The following MKLN1 variants were observed in gnomAD, a reference collection of about 807,000 sequenced individuals.
MKLN1 encodes the protein muskelin 1, also known as muskelin.
Under a neutral mutation model 99.0 loss-of-function variants are expected in MKLN1, and 18 were observed. The ratio of observed to expected loss-of-function variants is 0.18; its 90% confidence interval spans 0.13 to 0.27. The LOEUF is 0.27. Ranked by LOEUF, MKLN1 falls within the 10% of genes least tolerant of loss-of-function variation. MKLN1 has a pLI of 1.00. For missense variants in MKLN1, 621 were observed against 875.9 expected, an observed-to-expected ratio of 0.71 and a Z score of 3.67; for synonymous variants, 288 against 293.2, an observed-to-expected ratio of 0.98 and a Z score of 0.18.
chr7:131,175,895 A>T (rs1225095789), intron 2 of MKLN1, among the ~76,000 whole-genome samples: 5 of 126,604 alleles, frequency 3.9e-5, no homozygotes, highest in African/African-American at 5.6e-5. Context: ...GTGAGACTCC[A>T]CTCAAAAAAA....
chr7:131,414,252 A>G (rs1794955278), intron 7 of MKLN1, among the ~76,000 whole-genome samples: 1 of 152,232 alleles, frequency 6.6e-6, no homozygotes, highest in Non-Finnish European at 1.5e-5. Context: ...ACTGCTCATC[A>G]TACTAATGAA....
At chr7:131,294,781 G>A (rs957529582) in intron 3 of MKLN1, among the ~76,000 whole-genome samples, 3 of 152,162 alleles carry the variant, frequency 2.0e-5, no homozygotes, top group Non-Finnish European at 4.4e-5. Flanking sequence ...GATATCTCTG[G>A]TAAACAGCTG....
intron 2 of MKLN1, among the ~76,000 whole-genome samples, chr7:131,184,984 G>A (rs1389267162): frequency 6.6e-6 from 1 of 152,206 alleles, no homozygotes; most frequent in Admixed American, 6.5e-5. Context: ...TCAGGAAAGA[G>A]TCAACACGGC....
chr7:131,224,255 A>G (rs2116458948), intron 3 of MKLN1, among the ~76,000 whole-genome samples: 1 of 152,188 alleles, frequency 6.6e-6, no homozygotes, highest in East Asian at 1.9e-4. Flanking sequence ...AAATTTAAAA[A>G]TTAGCTGGGG....
chr7:131,427,665 T>C (rs940003756), intron 8 of MKLN1, among the ~76,000 whole-genome samples: 1 of 152,148 alleles, frequency 6.6e-6, no homozygotes, highest in Non-Finnish European at 1.5e-5. Flanking sequence ...GTGATTCTCC[T>C]GCCTCAGCCT....
intron 3 of MKLN1, among the ~76,000 whole-genome samples, chr7:131,234,010 G>T (rs1241416214): frequency 6.6e-6 from 1 of 151,818 alleles, no homozygotes; most frequent in East Asian, 1.9e-4. Context: ...ATGAAGTCTT[G>T]CTCTTGTCCC....
chr7:131,484,285 A>G (rs1797210622), intron 17 of MKLN1, among the ~76,000 whole-genome samples: 2 of 152,204 alleles, frequency 1.3e-5, no homozygotes, highest in African/African-American at 4.8e-5. Context: ...GCACTTAATG[A>G]GTGTGAGTTA....
At chr7:131,119,056 C>T (rs1795320923) in intron 1 of MKLN1, among the ~76,000 whole-genome samples, 1 of 152,158 alleles carries the variant, frequency 6.6e-6, no homozygotes. Flanking sequence ...AGTTTAAGTC[C>T]AATATCTCAT....
intron 10 of MKLN1, among the ~76,000 whole-genome samples, chr7:131,438,299 TCAACAATAA>T: frequency 1.3e-5 from 2 of 151,990 alleles, no homozygotes; most frequent in Non-Finnish European, 2.9e-5. Flanking sequence ...TATGCATAAA[TCAACAATAA>T]CAACTTACCC....
chr7:131,453,702 C>A (rs1796251330), intron 12 of MKLN1, among the ~76,000 whole-genome samples: 1 of 151,746 alleles, frequency 6.6e-6, no homozygotes, highest in African/African-American at 2.4e-5. Context: ...ATGCCACAAA[C>A]CCAGAAATCA....
intron 3 of MKLN1, among the ~76,000 whole-genome samples, chr7:131,229,003 T>C (rs9640863): frequency 0.5 from 75,885 of 151,944 alleles, 19,398 homozygotes; most frequent in East Asian, 0.55. Context: ...CAGGTTATAG[T>C]CTGGTTTTAT....
intron 17 of MKLN1, among the ~76,000 whole-genome samples, chr7:131,480,704 T>G (rs1039448208): frequency 5.9e-5 from 9 of 152,192 alleles, no homozygotes; most frequent in African/African-American, 2.2e-4. Context: ...GGTGTAAACA[T>G]TATTTTGGAA....
chr7:131,270,467 C>T (rs192750727), intron 3 of MKLN1, among the ~76,000 whole-genome samples: 79 of 152,332 alleles, frequency 5.2e-4, no homozygotes, highest in African/African-American at 1.8e-3. Context: ...GTCATCCACC[C>T]GGCTTGGCCT....
chr7:131,149,679 G>A (rs1388443726), intron 2 of MKLN1, among the ~76,000 whole-genome samples: 1 of 152,150 alleles, frequency 6.6e-6, no homozygotes, highest in Admixed American at 6.5e-5. Flanking sequence ...AAAGCTATGA[G>A]TACATGAATA....
intron 1 of MKLN1, among the ~76,000 whole-genome samples, chr7:131,337,757 GTTAA>G (rs1799291540): frequency 6.7e-6 from 1 of 150,266 alleles, no homozygotes; most frequent in Non-Finnish European, 1.5e-5. Context: ...ATTAATGTAT[GTTAA>G]TTATATATTC....
chr7:131,238,249 A>G (rs181638990), intron 3 of MKLN1, among the ~76,000 whole-genome samples: 2 of 152,362 alleles, frequency 1.3e-5, no homozygotes, highest in East Asian at 3.9e-4. Flanking sequence ...ATAAAGGATG[A>G]TGGATATTAG....
Position 131,258,566 on chromosome 7 carries a change from C to T in MKLN1, c.-179+55592C>T, listed in dbSNP as rs145729728. ...AGATTTTAACCCAGGAAAGAAACTG[C>T]GGAATTATTAAAGCAATTTATGTTT... On this transcript the variant is annotated intron_variant, in intron 3 of 7. Coordinates refer to the MKLN1 transcript ENST00000416992. 8.6e-4 allele frequency among the ~76,000 whole-genome samples: 131 copies of T among 152,162 alleles called. 1 individual carries two copies. In the East Asian group the frequency reaches 0.023, roughly 27 times the overall value.
At chr7:131,186,544 T>C (rs1051028151) in intron 2 of MKLN1, among the ~76,000 whole-genome samples, 1 of 152,186 alleles carries the variant, frequency 6.6e-6, no homozygotes, top group Non-Finnish European at 1.5e-5. Flanking sequence ...CTCTGGACGC[T>C]GCTAGGTGTT....
chr7:131,335,445 A>C (rs970901013), intron 1 of MKLN1, among the ~76,000 whole-genome samples: 1 of 152,162 alleles, frequency 6.6e-6, no homozygotes, highest in African/African-American at 2.4e-5. Context: ...TAAGTAGTCT[A>C]ATATAAATCT....
Sources: gnomAD v4.1 joint callset for allele counts (sites outside exome capture counted in the v4.1 genomes callset) on GRCh38, gnomAD v4.1.1 for gene constraint, MANE v1.5 for transcripts, NCBI Gene and HGNC (gene_info 2026-07-23, HGNC 2026-07-21) for gene names.